The following GFRA1 variants were observed in gnomAD, a reference collection of about 807,000 sequenced individuals.
GFRA1 encodes the protein GDNF family receptor alpha 1.
In GFRA1, 16 loss-of-function variants were observed where a neutral mutation model predicts 51.6. The ratio of observed to expected loss-of-function variants is 0.31; its 90% CI spans 0.21 to 0.47. The LOEUF (loss-of-function observed/expected upper bound fraction) is 0.47, where lower values mean the gene tolerates loss of function less well. GFRA1 is among the 20% of genes least tolerant of loss of function. The pLI, the probability that GFRA1 is intolerant of heterozygous loss-of-function variation, is 1.00. For missense variants in GFRA1, 530 were observed against 594.3 expected (o/e 0.89, Z 1.13); for synonymous variants, 270 against 241.3 (o/e 1.12, Z -1.10).
rs537672147 is a variant in GFRA1 at position 116,231,269 on chromosome 10, A to C, written c.419-19624T>G. On this transcript the variant is annotated intron_variant, in intron 4 of 10. Transcript: ENST00000355422. The stretch of plus-strand genomic sequence containing the variant: ...GTCCCAGGAGTCAGCCAGGTCTGAC[A>C]GACGACCTAGGTTTCTAGGCTGGCT... Among the ~76,000 whole-genome samples the C allele has an allele frequency of 2.0e-5, 3 of 152,174 alleles. 1 individual carries two copies. The South Asian group carries it at 6.2e-4, about 32-fold the overall frequency.
intron 5 of GFRA1, among the ~76,000 whole-genome samples, chr10:116,132,429 T>C (rs1228249271): frequency 6.6e-6 from 1 of 152,176 alleles, no homozygotes; most frequent in Non-Finnish European, 1.5e-5. Context: ...CATATTTTTT[T>C]TCCACTGTTC....
At position 116,265,346 on chromosome 10, in the gene GFRA1, T is replaced by C. The variant is rs555538799; in HGVS notation, c.418+4157A>G. Among the ~76,000 whole-genome samples, 6 of 152,270 alleles carry C rather than the reference T, an allele frequency of 3.9e-5. No homozygotes were observed. In the South Asian group the frequency reaches 1.0e-3, roughly 26 times the overall value. On this transcript the variant is annotated intron_variant, in intron 4 of 10. Coordinates refer to ENST00000355422, the MANE Select transcript of GFRA1 (RefSeq NM_005264.8). The stretch of plus-strand genomic sequence containing the variant: ...TTGCATGCAATATCATCAACTGTGA[T>C]TGTATTTTAAGGAAGGCCTGGCATC...
At position 116,129,528 on chromosome 10, in the gene GFRA1, T is replaced by C. The variant is rs1039664686; in HGVS notation, c.434-3971A>G. Reference sequence around the variant, plus strand: ...AGAATAGAAAAGAATCTCCTCAATCTGATACAGAGCAGCTATGAAAAACCT... The same window carrying C: ...AGAATAGAAAAGAATCTCCTCAATCCGATACAGAGCAGCTATGAAAAACCT... On this transcript the variant is annotated intron_variant, in intron 5 of 10. Coordinates refer to ENST00000355422, the MANE Select transcript of GFRA1 (RefSeq NM_005264.8). Among the ~76,000 whole-genome samples, 8 of 152,150 alleles carry C rather than the reference T, an allele frequency of 5.3e-5. No homozygotes were observed. In the South Asian group the frequency reaches 1.0e-3, roughly 20 times the overall value.
chr10:116,100,963 G>C (rs1453984549), intron 6 of GFRA1, among the ~76,000 whole-genome samples: 2 of 152,180 alleles, frequency 1.3e-5, no homozygotes, highest in African/African-American at 4.8e-5. Context: ...TGGGAAAGAT[G>C]GGGGAGGACA....
chr10:116,230,608 A>T (rs1231427984), intron 4 of GFRA1, among the ~76,000 whole-genome samples: 1 of 151,676 alleles, frequency 6.6e-6, no homozygotes, highest in Non-Finnish European at 1.5e-5. Context: ...TATAAACAAG[A>T]CTGGTTTCAA....
chr10:116,069,855 G>A (rs1014639237), intron 9 of GFRA1, among the ~76,000 whole-genome samples: 1 of 152,190 alleles, frequency 6.6e-6, no homozygotes, highest in Non-Finnish European at 1.5e-5. Flanking sequence ...CAAGCTCTGG[G>A]GACAGGTCAG....
intron 2 of GFRA1, 118 bp downstream of exon 2, chr10:116,271,872 C>G (rs1843969416): frequency 1.2e-6 from 1 of 816,434 alleles, no homozygotes; most frequent in Non-Finnish European, 2.1e-6. Context: ...GACACTTCTT[C>G]CTTCCACATC....
intron 5 of GFRA1, among the ~76,000 whole-genome samples, chr10:116,130,556 G>A (rs1017098328): frequency 6.6e-6 from 1 of 152,066 alleles, no homozygotes; most frequent in African/African-American, 2.4e-5. Context: ...TATAGGCATA[G>A]ACAAATTGAA....
chr10:116,212,970 C>T (rs1433799708), intron 4 of GFRA1, among the ~76,000 whole-genome samples: 1 of 152,200 alleles, frequency 6.6e-6, no homozygotes, highest in Non-Finnish European at 1.5e-5. Context: ...CGCTCATTTG[C>T]TCATGCTTTC....
intron 4 of GFRA1, among the ~76,000 whole-genome samples, chr10:116,233,064 C>T (rs929302543): frequency 6.6e-6 from 1 of 152,190 alleles, no homozygotes. Flanking sequence ...CAGTGGCTCA[C>T]ATCTGTAATT....
intron 6 of GFRA1, among the ~76,000 whole-genome samples, chr10:116,113,573 G>A (rs1219776117): frequency 1.3e-5 from 2 of 152,178 alleles, no homozygotes; most frequent in Non-Finnish European, 2.9e-5. Flanking sequence ...CACTCTCCCT[G>A]GGTGTCTCTG....
intron 9 of GFRA1, among the ~76,000 whole-genome samples, chr10:116,078,007 C>T (rs1305480563): frequency 2.0e-5 from 3 of 152,194 alleles, no homozygotes; most frequent in Non-Finnish European, 2.9e-5. Flanking sequence ...TGCTTAGTTA[C>T]GGAATAGCTG....
In GFRA1 at chr10:116,183,867, G is replaced by A. The variant is rs1467097611; in HGVS notation, c.433+27764C>T. Among the ~76,000 whole-genome samples, 9 of 152,170 alleles carry A rather than the reference G, an allele frequency of 5.9e-5. 1 individual carries two copies. Among genetic ancestry groups the A allele is most frequent in the Admixed American group, 5.9e-4 (9 of 15,274 alleles). ...TTTGGTCCCTCTCATTATCCCCAGG[G>A]AAATGCTTCAGTCTCACTATCAGGA... On this transcript the variant is annotated intron_variant, in intron 5 of 10. Transcript: ENST00000355422.
intron 4 of GFRA1, among the ~76,000 whole-genome samples, chr10:116,260,476 C>A (rs1969218052): frequency 6.6e-6 from 1 of 152,140 alleles, no homozygotes; most frequent in Admixed American, 6.5e-5. Flanking sequence ...CTGCATAGTT[C>A]TATATGTTTT....
At chr10:116,118,390 C>T (rs1385019261) in intron 6 of GFRA1, among the ~76,000 whole-genome samples, 1 of 152,202 alleles carries the variant, frequency 6.6e-6, no homozygotes. Flanking sequence ...ACCCCTCTGA[C>T]ACAGGAGGCC....
At chr10:116,244,112 C>G (rs2134649810) in intron 4 of GFRA1, among the ~76,000 whole-genome samples, 1 of 151,732 alleles carries the variant, frequency 6.6e-6, no homozygotes, top group Non-Finnish European at 1.5e-5. Context: ...ATAAAACACA[C>G]AAGAAAAAAA....
At chr10:116,111,953 C>G (rs2694810) in intron 6 of GFRA1, among the ~76,000 whole-genome samples, 133,326 of 152,200 alleles carry the variant, frequency 0.88, 60,610 homozygotes, top group Non-Finnish European at 0.99. Flanking sequence ...AGGCGCCTCC[C>G]TCATCTCTGG....
rs570567684 is a variant in GFRA1, at chr10:116,057,979, C to T, written c.*6419G>A. ...AGGAAGCTAATGCTGGATCATATAG[C>T]CCTCCAATCATTGTGTGTGTGTGTG... On this transcript the variant is annotated 3_prime_UTR_variant, in exon 11 of 11. Transcript: ENST00000355422. The T allele has an allele frequency of 6.8e-6, 1 of 147,152 alleles. No homozygotes were observed. Among genetic ancestry groups the T allele is most frequent in the Non-Finnish European group, 1.5e-5 (1 of 67,262 alleles). The allele number at this position is 147,152 out of a possible 1,614,324, so 9.1% of individuals were successfully genotyped here. A position where few individuals can be genotyped will look rare whatever the true frequency, so the allele number is the denominator to read the frequency against.
At chr10:116,115,339 G>A (rs1957371358) in intron 6 of GFRA1, among the ~76,000 whole-genome samples, 1 of 152,068 alleles carries the variant, frequency 6.6e-6, no homozygotes, top group African/African-American at 2.4e-5. Flanking sequence ...CCTGGGAGGT[G>A]GGGAGGCCGA....
Sources: allele counts gnomAD v4.1 joint callset (sites outside exome capture counted in the v4.1 genomes callset), GRCh38; gene constraint gnomAD v4.1.1; transcripts MANE v1.5; gene names NCBI Gene and HGNC (gene_info 2026-07-23, HGNC 2026-07-21).